SERINC5: variants seen among roughly 807,000 people sequenced by gnomAD.
The protein encoded by SERINC5 is chromosome 5 open reading frame 12.
A neutral mutation model predicts 63.1 loss-of-function variants in SERINC5; 41 were observed. The observed-to-expected ratio is 0.65, with a 90% CI of 0.51 to 0.84. The LOEUF is 0.84. Ranked by LOEUF, SERINC5 falls within the 40% of genes least tolerant of loss-of-function variation. The pLI is 0.00. For synonymous variants in SERINC5, 222 were observed against 215.2 expected, an observed-to-expected ratio of 1.03 and a Z score of -0.28; for missense variants, 523 against 573.0, an observed-to-expected ratio of 0.91 and a Z score of 0.89.
intron 1 of SERINC5, among the ~76,000 whole-genome samples, chr5:80,239,222 G>A (rs189818649): frequency 1.8e-3 from 280 of 152,284 alleles, no homozygotes; most frequent in African/African-American, 6.3e-3. Flanking sequence ...CGGAGCAACG[G>A]GCATTACGCC....
At chr5:80,169,588 CA>C in intron 5 of SERINC5, 42 bp from the exon 6 acceptor site, 1 of 1,521,806 alleles carries the variant, frequency 6.6e-7, no homozygotes, top group Non-Finnish European at 9.0e-7. Flanking sequence ...GGAGAGAAGA[CA>C]AGTCAACGAA....
At chr5:80,117,872 A>T (rs1580011852) in intron 11 of SERINC5, among the ~76,000 whole-genome samples, 1 of 151,650 alleles carries the variant, frequency 6.6e-6, no homozygotes, top group Non-Finnish European at 1.5e-5. Context: ...TTATCATCTC[A>T]TCTGTGTCTG....
At chr5:80,188,602 T>C (rs1354139565) in intron 2 of SERINC5, among the ~76,000 whole-genome samples, 1 of 152,116 alleles carries the variant, frequency 6.6e-6, no homozygotes, top group Non-Finnish European at 1.5e-5. Context: ...CATAGAATTC[T>C]AGGCTGGGCC....
chr5:80,137,897 C>T (rs1745279433), downstream of SERINC5, among the ~76,000 whole-genome samples: 1 of 151,982 alleles, frequency 6.6e-6, no homozygotes, highest in Admixed American at 6.6e-5. Context: ...GCCATGATGT[C>T]ACTGTACTCC....
At chr5:80,153,900 G>A (rs1425204812) in intron 8 of SERINC5, among the ~76,000 whole-genome samples, 1 of 152,064 alleles carries the variant, frequency 6.6e-6, no homozygotes, top group African/African-American at 2.4e-5. Context: ...AATGCACAAT[G>A]CAGGTGCCCC....
At chr5:80,207,438 C>G (rs1445652716) in intron 1 of SERINC5, among the ~76,000 whole-genome samples, 1 of 152,222 alleles carries the variant, frequency 6.6e-6, no homozygotes, top group African/African-American at 2.4e-5. Flanking sequence ...TTACTATTAT[C>G]TCCACAGAGG....
intron 8 of SERINC5, 154 bp downstream of exon 8, chr5:80,158,682 C>G: frequency 1.6e-6 from 1 of 638,326 alleles, no homozygotes; most frequent in Non-Finnish European, 2.6e-6. Flanking sequence ...GAACGAAGTT[C>G]AAATATGAGT....
chr5:80,197,531 A>G (rs1053154474), intron 2 of SERINC5, among the ~76,000 whole-genome samples: 1 of 152,222 alleles, frequency 6.6e-6, no homozygotes, highest in South Asian at 2.1e-4. Flanking sequence ...AAGGAAACAG[A>G]TCTAACATGT....
At chr5:80,218,816 G>C (rs1750781408) in intron 1 of SERINC5, among the ~76,000 whole-genome samples, 1 of 152,012 alleles carries the variant, frequency 6.6e-6, no homozygotes, top group Non-Finnish European at 1.5e-5. Context: ...TCAACCACTG[G>C]CCGCTCTCCC....
intron 12 of SERINC5, chr5:80,113,432 C>A (rs998147628): frequency 1.9e-5 from 3 of 154,646 alleles, no homozygotes; most frequent in African/African-American, 4.8e-5. Context: ...TGTGACGGGT[C>A]TGGACACATC....
At chr5:80,154,377 C>T (rs1238830318) in intron 8 of SERINC5, among the ~76,000 whole-genome samples, 2 of 152,140 alleles carry the variant, frequency 1.3e-5, no homozygotes, top group Non-Finnish European at 2.9e-5. Flanking sequence ...TGGGGTTTCT[C>T]CATTTTGGTC....
In SERINC5 at chr5:80,220,221, A is replaced by T. The variant is rs577947171; in HGVS notation, c.28-17168T>A. ...AGACTCTGTCTCAATAAATAAAAAT[A>T]AAAAAAAAAAAGAGAGAGAGAGATA... On this transcript the variant is annotated intron_variant, in intron 1 of 11. Transcript: ENST00000507668. Among the ~76,000 whole-genome samples, 40 of 85,636 alleles carry T rather than the reference A, an allele frequency of 4.7e-4. No homozygotes were observed. The South Asian group carries it at 8.8e-3, about 19-fold the overall frequency. The allele number at this position is 85,636 out of a possible 152,430, so 56.2% of individuals were successfully genotyped here. A position where few individuals can be genotyped will look rare whatever the true frequency, so the allele number is the denominator to read the frequency against.
intron 10 of SERINC5, 118 bp downstream of exon 10, chr5:80,147,127 G>C: frequency 1.1e-6 from 1 of 913,196 alleles, no homozygotes; most frequent in Non-Finnish European, 1.7e-6. Context: ...GTCAGCTTTA[G>C]AATAAAACTT....
At chr5:80,181,603 A>G (rs1748432352) in intron 2 of SERINC5, among the ~76,000 whole-genome samples, 1 of 152,230 alleles carries the variant, frequency 6.6e-6, no homozygotes, top group African/African-American at 2.4e-5. Context: ...CTTCATGAGG[A>G]AATAGCCAAC....
chr5:80,188,812 CAA>C (rs1423421145), intron 2 of SERINC5, among the ~76,000 whole-genome samples: 1 of 151,974 alleles, frequency 6.6e-6, no homozygotes, highest in Non-Finnish European at 1.5e-5. Context: ...CTCTTGAGCC[CAA>C]GAGTTTAGGA....
At chr5:80,163,137 G>A (rs1337881590) in intron 7 of SERINC5, among the ~76,000 whole-genome samples, 2 of 151,800 alleles carry the variant, frequency 1.3e-5, no homozygotes, top group Non-Finnish European at 2.9e-5. Flanking sequence ...TTACAGATGT[G>A]AGCCAATGCA....
intron 7 of SERINC5, among the ~76,000 whole-genome samples, chr5:80,162,076 A>G (rs1746968515): frequency 6.6e-6 from 1 of 152,176 alleles, no homozygotes; most frequent in Admixed American, 6.5e-5. Flanking sequence ...CTATTCTTAT[A>G]CAAATATCAT....
At chr5:80,122,904 A>G (rs142600335) in intron 11 of SERINC5, among the ~76,000 whole-genome samples, 192 of 152,374 alleles carry the variant, frequency 1.3e-3, no homozygotes, top group African/African-American at 4.3e-3. Flanking sequence ...GATTTTTCTC[A>G]GTGCCTCCAG....
chr5:80,214,716 G>A (rs1176847428), intron 1 of SERINC5, among the ~76,000 whole-genome samples: 2 of 152,180 alleles, frequency 1.3e-5, no homozygotes, highest in African/African-American at 2.4e-5. Flanking sequence ...GACCAACATG[G>A]TGAAACTCTG....
Sources: allele counts gnomAD v4.1 joint callset (sites outside exome capture counted in the v4.1 genomes callset), GRCh38; gene constraint gnomAD v4.1.1; transcripts MANE v1.5; gene names NCBI Gene and HGNC (gene_info 2026-07-23, HGNC 2026-07-21).